Variants in CALN1 observed in about 807,000 individuals in gnomAD.
The protein encoded by CALN1 is calneuron 1.
CALN1 carries 17 observed loss-of-function variants against 30.6 expected under a neutral mutation model. That is an observed-to-expected ratio of 0.56 (90% CI 0.38 to 0.83). The LOEUF is 0.83. Ranked by LOEUF, CALN1 falls within the 40% of genes least tolerant of loss-of-function variation. The pLI, the probability that CALN1 is intolerant of heterozygous loss-of-function variation, is 0.00. For synonymous variants in CALN1, 156 were observed against 131.4 expected (o/e 1.19, Z -1.28); for missense variants, 291 against 354.9 (o/e 0.82, Z 1.45).
intron 5 of CALN1, among the ~76,000 whole-genome samples, chr7:72,023,141 C>T (rs1238365057): frequency 6.6e-6 from 1 of 151,942 alleles, no homozygotes; most frequent in African/African-American, 2.4e-5. Context: ...TTTCATTATA[C>T]TTTAATAATT....
At chr7:72,015,976 C>T (rs1440977403) in intron 5 of CALN1, among the ~76,000 whole-genome samples, 5 of 152,088 alleles carry the variant, frequency 3.3e-5, no homozygotes, top group Admixed American at 6.5e-5. Context: ...AGGCCAGGCA[C>T]GGTGGCTCAC....
In CALN1 at chr7:72,010,605, A is replaced by G. The variant is rs2129529190; in HGVS notation, c.501+13052T>C. On this transcript the variant is annotated intron_variant, in intron 5 of 6. Transcript: ENST00000395275. The stretch of plus-strand genomic sequence containing the variant: ...GGTGGGCGAATCACCTGCATTCAGG[A>G]GTTCAAGACCAGCCTGACCAATATG... Among the ~76,000 whole-genome samples the G allele has an allele frequency of 2.0e-5, 3 of 152,066 alleles. No individual in the cohort carries two copies. The Middle Eastern group carries it at 0.01, about 521-fold the overall frequency.
intron 4 of CALN1, among the ~76,000 whole-genome samples, chr7:72,058,247 A>T (rs1393112408): frequency 6.6e-6 from 1 of 151,698 alleles, no homozygotes; most frequent in Admixed American, 6.6e-5. Context: ...CTTGAGTAAA[A>T]AGTGGGAGTA....
At chr7:72,373,189 A>T (rs1179306738) in intron 2 of CALN1, among the ~76,000 whole-genome samples, 5 of 152,188 alleles carry the variant, frequency 3.3e-5, no homozygotes, top group Admixed American at 1.3e-4. Context: ...GACCTATACA[A>T]ATCACGCAAT....
intron 2 of CALN1, among the ~76,000 whole-genome samples, chr7:72,382,459 C>A (rs1406616581): frequency 6.6e-6 from 1 of 152,112 alleles, no homozygotes; most frequent in Non-Finnish European, 1.5e-5. Flanking sequence ...ATTAGAATTG[C>A]ATTTTTTTAT....
At chr7:72,255,691 C>G (rs1490994749) in intron 3 of CALN1, among the ~76,000 whole-genome samples, 2 of 148,350 alleles carry the variant, frequency 1.3e-5, no homozygotes, top group Non-Finnish European at 3.0e-5. Context: ...GCTGGGATTA[C>G]AGCTGTGAGC....
intron 3 of CALN1, among the ~76,000 whole-genome samples, chr7:72,236,982 A>G (rs534816565): frequency 1.4e-5 from 2 of 147,516 alleles, no homozygotes; most frequent in South Asian, 2.2e-4. Flanking sequence ...TTTTTTTTCT[A>G]TTTTTATTTT....
chr7:72,492,540 C>T, the CALN1 span, among the ~76,000 whole-genome samples: 18 of 152,222 alleles, frequency 1.2e-4, no homozygotes, highest in Non-Finnish European at 1.9e-4. Context: ...CAAGGCCTTG[C>T]CACCTGTGTA....
chr7:71,836,622 C>CT (rs756689224), intron 5 of CALN1, among the ~76,000 whole-genome samples: 52,823 of 132,600 alleles, frequency 0.4, 10,868 homozygotes, highest in South Asian at 0.53. Flanking sequence ...CTCTCTGTCT[C>CT]TTTTTTTTTT....
At chr7:71,865,658 G>A (rs887549104) in intron 5 of CALN1, among the ~76,000 whole-genome samples, 4 of 152,118 alleles carry the variant, frequency 2.6e-5, no homozygotes, top group African/African-American at 7.2e-5. Flanking sequence ...CCTTGGAGGG[G>A]GTTGTTAATT....
intron 3 of CALN1, among the ~76,000 whole-genome samples, chr7:72,231,627 T>C (rs1246846250): frequency 6.6e-6 from 1 of 152,106 alleles, no homozygotes; most frequent in East Asian, 1.9e-4. Flanking sequence ...AATGATATTT[T>C]ATTGCTATTG....
At chr7:72,084,385 A>C (rs1220466688) in intron 4 of CALN1, among the ~76,000 whole-genome samples, 1 of 124,736 alleles carries the variant, frequency 8.0e-6, no homozygotes, top group Non-Finnish European at 1.6e-5. Context: ...AATGTAGTAA[A>C]ATTTTTTTTT....
At chr7:72,408,735 G>A (rs550656199) in intron 1 of CALN1, among the ~76,000 whole-genome samples, 4 of 131,762 alleles carry the variant, frequency 3.0e-5, no homozygotes, top group Non-Finnish European at 6.2e-5. Flanking sequence ...GGAGTGCAGA[G>A]GCGCAATCAT....
At chr7:72,325,706 G>A (rs1402446984) in intron 2 of CALN1, among the ~76,000 whole-genome samples, 1 of 152,116 alleles carries the variant, frequency 6.6e-6, no homozygotes, top group East Asian at 1.9e-4. Flanking sequence ...ATAACTTGAG[G>A]CTTGGGTCTT....
chr7:72,049,713 G>C (rs1046945550), intron 4 of CALN1, among the ~76,000 whole-genome samples: 1 of 151,960 alleles, frequency 6.6e-6, no homozygotes, highest in East Asian at 1.9e-4. Flanking sequence ...TCACCACGCT[G>C]GTCAGGCTGG....
At chr7:72,283,199 T>C (rs982779747) in intron 2 of CALN1, among the ~76,000 whole-genome samples, 7 of 151,986 alleles carry the variant, frequency 4.6e-5, no homozygotes, top group Admixed American at 3.3e-4. Context: ...TTTTAATATA[T>C]ACTGAAGAGA....
chr7:72,155,402 G>T (rs536888252), intron 3 of CALN1, among the ~76,000 whole-genome samples: 1 of 151,622 alleles, frequency 6.6e-6, no homozygotes, highest in African/African-American at 2.4e-5. Flanking sequence ...TGAGGCAGGA[G>T]AATGGCTTGA....
intron 6 of CALN1, among the ~76,000 whole-genome samples, chr7:71,796,452 C>G (rs565051821): frequency 2.0e-5 from 3 of 151,252 alleles, no homozygotes; most frequent in Non-Finnish European, 2.9e-5. Context: ...CTCCGCCTCC[C>G]AAATTCAAGT....
At chr7:72,316,722 T>C (rs1449303535) in intron 2 of CALN1, among the ~76,000 whole-genome samples, 1 of 152,016 alleles carries the variant, frequency 6.6e-6, no homozygotes, top group African/African-American at 2.4e-5. Context: ...GATGAGAGGA[T>C]TGCTTGAGTC....
Sources: allele counts gnomAD v4.1 joint callset (sites outside exome capture counted in the v4.1 genomes callset), GRCh38; gene constraint gnomAD v4.1.1; transcripts MANE v1.5; gene names NCBI Gene and HGNC (gene_info 2026-07-23, HGNC 2026-07-21).